UBE2QL1: variants seen among roughly 807,000 people sequenced by gnomAD.
The protein encoded by UBE2QL1 is ubiquitin-conjugating enzyme E2Q-like protein 1.
Under a neutral mutation model 12.6 loss-of-function variants are expected in UBE2QL1, and 5 were observed. The observed-to-expected ratio is 0.40, with a 90% confidence interval of 0.21 to 0.83. The LOEUF is 0.83. UBE2QL1 is among the 40% of genes least tolerant of loss of function. The pLI is 0.37. For missense variants in UBE2QL1, 99 were observed against 222.6 expected (o/e 0.44, Z 3.53); for synonymous variants, 96 against 94.5 (o/e 1.02, Z -0.10).
chr5:6,489,675 T>C (rs1341023700), intron 1 of UBE2QL1, among the ~76,000 whole-genome samples: 1 of 152,192 alleles, frequency 6.6e-6, no homozygotes, highest in Admixed American at 6.5e-5. Flanking sequence ...TTTCAGGTGG[T>C]TGGGCACCGT....
intron 1 of UBE2QL1, among the ~76,000 whole-genome samples, chr5:6,458,468 TAAA>T (rs1373310304): frequency 6.6e-6 from 1 of 152,258 alleles, no homozygotes; most frequent in Non-Finnish European, 1.5e-5. Flanking sequence ...TTGGTTCTAA[TAAA>T]AAGCTGTGAT....
At chr5:6,474,968 C>T (rs576629467) in intron 1 of UBE2QL1, among the ~76,000 whole-genome samples, 66 of 152,306 alleles carry the variant, frequency 4.3e-4, no homozygotes, top group African/African-American at 1.1e-3. Flanking sequence ...CAGTCTTTCC[C>T]CGATGATGAC....
intron 1 of UBE2QL1, among the ~76,000 whole-genome samples, chr5:6,451,741 G>C (rs1739416314): frequency 6.6e-6 from 1 of 152,174 alleles, no homozygotes; most frequent in African/African-American, 2.4e-5. Context: ...TAATGTTTTA[G>C]GATTCTGTGC....
At chr5:6,460,133 A>G (rs1376370175) in intron 1 of UBE2QL1, among the ~76,000 whole-genome samples, 1 of 152,212 alleles carries the variant, frequency 6.6e-6, no homozygotes, top group East Asian at 1.9e-4. Context: ...ATCTGCAGGC[A>G]GAGGCAAGGC....
rs557515542 is a variant in UBE2QL1 at position 6,495,430 on chromosome 5, T to G, written c.*4081T>G. Reference sequence around the variant, plus strand: ...CCACTTAGCCTAATTTTACACCCTCTGCAGTGAAGGAGGCGAGCCCAGAGA... The same window carrying G: ...CCACTTAGCCTAATTTTACACCCTCGGCAGTGAAGGAGGCGAGCCCAGAGA... On this transcript the variant is annotated 3_prime_UTR_variant, in exon 2 of 2. Coordinates refer to ENST00000399816, the MANE Select transcript of UBE2QL1 (RefSeq NM_001145161.3). Among the ~76,000 whole-genome samples the G allele has an allele frequency of 6.6e-6, 1 of 152,302 alleles. No individual in the cohort carries two copies. The highest frequency in any genetic ancestry group is 2.4e-5 in the African/African-American group (1 of 41,584).
rs1042138616 is a variant in UBE2QL1 at position 6,479,868 on chromosome 5, C to A, written c.355-11350C>A. ...TCAGGCAGGTAGCGTGTGCCGAGGCCCCCACATGTGCTGCAAAGACCAGAA... is the reference window on the plus strand; with the variant it reads ...TCAGGCAGGTAGCGTGTGCCGAGGCACCCACATGTGCTGCAAAGACCAGAA... On this transcript the variant is annotated intron_variant, in intron 1 of 1. Coordinates refer to ENST00000399816, the MANE Select transcript of UBE2QL1 (RefSeq NM_001145161.3). This position sits in a 1 kb window ranked among gnomAD's most constrained non-coding sequence, Gnocchi z 4.2. Among the ~76,000 whole-genome samples the A allele has an allele frequency of 2.0e-5, 3 of 152,152 alleles. No individual in the cohort carries two copies. Among genetic ancestry groups the A allele is most frequent in the African/African-American group, 4.8e-5 (2 of 41,440 alleles).
At chr5:6,471,519 C>A (rs902929604) in intron 1 of UBE2QL1, among the ~76,000 whole-genome samples, 45 of 152,330 alleles carry the variant, frequency 3.0e-4, no homozygotes, top group African/African-American at 9.9e-4. Flanking sequence ...CTCCATGGGG[C>A]AGCTCACAGC....
At chr5:6,454,539 A>G (rs747247008) in intron 1 of UBE2QL1, among the ~76,000 whole-genome samples, 1 of 152,192 alleles carries the variant, frequency 6.6e-6, no homozygotes, top group African/African-American at 2.4e-5. Flanking sequence ...GAAACAATTC[A>G]GCCCATAACA....
At chr5:6,472,518 C>T (rs1739936017) in intron 1 of UBE2QL1, among the ~76,000 whole-genome samples, 1 of 152,158 alleles carries the variant, frequency 6.6e-6, no homozygotes, top group African/African-American at 2.4e-5. Flanking sequence ...TTTCCTTGTG[C>T]TTTCCTGATG....
intron 1 of UBE2QL1, among the ~76,000 whole-genome samples, chr5:6,487,640 G>C (rs189144744): frequency 6.6e-6 from 1 of 152,330 alleles, no homozygotes; most frequent in Admixed American, 6.5e-5. Context: ...AATAGAAACA[G>C]ACAAGGGAGA....
At position 6,478,620 on chromosome 5, in the gene UBE2QL1, CG is replaced by C. The variant is rs1237370565; in HGVS notation, c.355-12596del. On this transcript the variant is annotated intron_variant, in intron 1 of 1. Transcript: ENST00000399816. The surrounding 1 kb of genome is among the most constrained non-coding windows in gnomAD (Gnocchi z 4.5). Reference sequence around the variant, plus strand: ...TCCTAGTGACATTCTTGGTCTCTTTCGGTTTTTTTTTTTTTGGACTTTAACA... The same window carrying C: ...TCCTAGTGACATTCTTGGTCTCTTTCGTTTTTTTTTTTTTGGACTTTAACA... Among the ~76,000 whole-genome samples the C allele has an allele frequency of 6.8e-6, 1 of 146,576 alleles. No homozygotes were observed. The highest frequency in any genetic ancestry group is 2.0e-4 in the East Asian group (1 of 5,088).
Position 6,496,081 on chromosome 5 carries a change from C to T in UBE2QL1, c.*4732C>T, listed in dbSNP as rs1734660344. Among the ~76,000 whole-genome samples the T allele has an allele frequency of 1.3e-5, 2 of 152,152 alleles. No homozygotes were observed. The highest frequency in any genetic ancestry group is 2.9e-5 in the Non-Finnish European group (2 of 68,038). On this transcript the variant is annotated 3_prime_UTR_variant, in exon 2 of 2. Coordinates refer to ENST00000399816, the MANE Select transcript of UBE2QL1 (RefSeq NM_001145161.3). Reference sequence around the variant, plus strand: ...CTTTCAAGGTCATGATAAGGCTAGACAAATAGAGTGCAATGAGGGGGTCAG... The same window carrying T: ...CTTTCAAGGTCATGATAAGGCTAGATAAATAGAGTGCAATGAGGGGGTCAG...
Position 6,481,190 on chromosome 5 carries a change from C to G in UBE2QL1, c.355-10028C>G, listed in dbSNP as rs952037037. 4.6e-5 allele frequency among the ~76,000 whole-genome samples: 7 copies of G among 152,166 alleles called. No individual in the cohort carries two copies. Among genetic ancestry groups the G allele is most frequent in the African/African-American group, 1.7e-4 (7 of 41,426 alleles). ...CTGCACCTGCCCTAATTCCCCGTTT[C>G]TAGATTTCCTGCTTCTCCTCTTGAC... is the stretch of plus-strand genomic sequence containing the variant. On this transcript the variant is annotated intron_variant, in intron 1 of 1. Coordinates refer to ENST00000399816, the MANE Select transcript of UBE2QL1 (RefSeq NM_001145161.3). The surrounding 1 kb of genome is among the most constrained non-coding windows in gnomAD (Gnocchi z 4.5).
rs187710435 is a variant in UBE2QL1, at chr5:6,468,801, C to A, written c.354+19554C>A. ...CAAATTGTTTGAAACAAGCACCTACCAGAGTGCTTGTTTGGGGGATACACC... is the reference window on the plus strand; with the variant it reads ...CAAATTGTTTGAAACAAGCACCTACAAGAGTGCTTGTTTGGGGGATACACC... On this transcript the variant is annotated intron_variant, in intron 1 of 1. Transcript: ENST00000399816. Among the ~76,000 whole-genome samples, 50 of 152,256 alleles carry A rather than the reference C, an allele frequency of 3.3e-4. 1 individual carries two copies. In the East Asian group the frequency reaches 9.5e-3, roughly 29 times the overall value.
chr5:6,450,973 T>C (rs756676579), intron 1 of UBE2QL1, among the ~76,000 whole-genome samples: 5 of 152,248 alleles, frequency 3.3e-5, no homozygotes, highest in Non-Finnish European at 7.3e-5. Flanking sequence ...AAACAGGATT[T>C]ATACAAATGA....
chr5:6,454,429 C>T (rs987562099), intron 1 of UBE2QL1, among the ~76,000 whole-genome samples: 1 of 152,144 alleles, frequency 6.6e-6, no homozygotes, highest in African/African-American at 2.4e-5. Context: ...CCTGACCTGA[C>T]TTTAACTTAA....
intron 1 of UBE2QL1, among the ~76,000 whole-genome samples, chr5:6,453,623 A>C (rs1039435762): frequency 6.6e-6 from 1 of 152,216 alleles, no homozygotes; most frequent in African/African-American, 2.4e-5. Context: ...GTGAAATGAT[A>C]TGCAGTGATG....
At chr5:6,473,479 G>A (rs2065792375) in intron 1 of UBE2QL1, among the ~76,000 whole-genome samples, 1 of 152,202 alleles carries the variant, frequency 6.6e-6, no homozygotes, top group African/African-American at 2.4e-5. Context: ...GCCTCCTTCT[G>A]CTCACCACCC....
chr5:6,453,196 A>G (rs1203609241), intron 1 of UBE2QL1, among the ~76,000 whole-genome samples: 2 of 152,200 alleles, frequency 1.3e-5, no homozygotes, highest in Non-Finnish European at 2.9e-5. Flanking sequence ...TGGTCGTTGT[A>G]CAGGTGAGGA....
Sources: allele counts gnomAD v4.1 joint callset (sites outside exome capture counted in the v4.1 genomes callset), GRCh38; gene constraint gnomAD v4.1.1; non-coding constraint Gnocchi (gnomAD v3.1); transcripts MANE v1.5; gene names NCBI Gene and HGNC (gene_info 2026-07-23, HGNC 2026-07-21).